Variants in TUBGCP3 observed in about 807,000 individuals in gnomAD.
TUBGCP3 encodes tubulin gamma complex component 3, also known as gamma-tubulin complex component 3.
A neutral mutation model predicts 123.1 loss-of-function variants in TUBGCP3; 50 were observed. The observed-to-expected ratio is 0.41, with a 90% confidence interval of 0.32 to 0.51. The LOEUF is 0.51. Among genes scored for constraint, TUBGCP3 ranks in the 20% least tolerant of loss-of-function variants. The probability of loss-of-function intolerance (pLI) is 0.36; values close to 1 mark genes in which losing one functional copy is unlikely to be tolerated. For missense variants in TUBGCP3, 882 were observed against 1,127.0 expected, an observed-to-expected ratio of 0.78 and a Z score of 3.11; for synonymous variants, 405 against 413.9, an observed-to-expected ratio of 0.98 and a Z score of 0.26.
the TUBGCP3 span, among the ~76,000 whole-genome samples, chr13:112,601,925 G>A: frequency 6.6e-6 from 1 of 152,240 alleles, no homozygotes; most frequent in African/African-American, 2.4e-5. Context: ...GCCCCGGGAT[G>A]TCACTGCTGT....
At chr13:112,489,433 C>A in intron 21 of TUBGCP3, 148 bp downstream of exon 21, 1 of 681,302 alleles carries the variant, frequency 1.5e-6, no homozygotes, top group Non-Finnish European at 2.6e-6. Context: ...CAGAGGGTCA[C>A]AGGGTCCACC....
rs1484972215 is a variant in TUBGCP3 at position 112,545,481 on chromosome 13, G to A, written c.1335+218C>T. 2.0e-6 allele frequency: 1 copy of A among 507,184 alleles called. No individual in the cohort carries two copies. The highest frequency in any genetic ancestry group is 3.5e-6 in the Non-Finnish European group (1 of 288,200). The allele number at this position is 507,184 out of a possible 1,614,324, so 31.4% of individuals were successfully genotyped here. On this transcript the variant is annotated intron_variant, in intron 11 of 21. Transcript: ENST00000261965. This position sits in a 1 kb window ranked among gnomAD's most constrained non-coding sequence, Gnocchi z 4.1. Reference sequence around the variant, plus strand: ...TCCACCTTGCTGAGGAATAAACTGGGACAATTCTCCACTAACCAAAGAACT... The same window carrying A: ...TCCACCTTGCTGAGGAATAAACTGGAACAATTCTCCACTAACCAAAGAACT...
intron 17 of TUBGCP3, among the ~76,000 whole-genome samples, chr13:112,514,692 C>CA (rs1404479556): frequency 6.6e-6 from 1 of 152,094 alleles, no homozygotes; most frequent in African/African-American, 2.4e-5. Context: ...ACACTTTTCC[C>CA]AAAAAGTGAT....
the TUBGCP3 span, among the ~76,000 whole-genome samples, chr13:112,598,856 G>C: frequency 6.6e-6 from 1 of 150,562 alleles, no homozygotes; most frequent in African/African-American, 2.4e-5. Flanking sequence ...TGAGGCAGGA[G>C]AATCGCTTGA....
the TUBGCP3 span, among the ~76,000 whole-genome samples, chr13:112,599,199 A>G: frequency 6.6e-6 from 1 of 152,302 alleles, no homozygotes; most frequent in South Asian, 2.1e-4. Context: ...AATAACTTTG[A>G]TCACCTGACT....
chr13:112,526,888 C>A, intron 13 of TUBGCP3, 54 bp downstream of exon 13: 1 of 1,288,018 alleles, frequency 7.8e-7, no homozygotes, highest in South Asian at 1.2e-5. Flanking sequence ...ATCCTCACAT[C>A]ATCATCAACA....
intron 20 of TUBGCP3, 103 bp from the exon 21 acceptor site, chr13:112,489,800 T>C (rs1879951635): frequency 2.3e-6 from 2 of 886,954 alleles, no homozygotes; most frequent in African/African-American, 3.3e-5. Context: ...TGTCTGCTTT[T>C]TATGCCTCTC....
At position 112,489,957 on chromosome 13, in the gene TUBGCP3, T is replaced by C. The variant is rs1455891846; in HGVS notation, c.2449-260A>G. ...GTTTTTAATATCACATTGTATAACA[T>C]GTAACAAGGTATATAATTCATCTCA... On this transcript the variant is annotated intron_variant, in intron 20 of 21. Coordinates refer to ENST00000261965, the MANE Select transcript of TUBGCP3 (RefSeq NM_006322.6). The C allele has an allele frequency of 2.4e-5, 12 of 503,990 alleles. No individual in the cohort carries two copies. The East Asian group carries it at 3.3e-4, about 14-fold the overall frequency. 31.2% of individuals were successfully genotyped at this position (503,990 alleles called of 1,614,324 possible).
At position 112,575,677 on chromosome 13, in the gene TUBGCP3, G is replaced by A. The variant is rs554472242; in HGVS notation, c.77-6418C>T. ...TTTTCAAATGCACGTGGAACATTCA[G>A]GACAGACTGAATTGTGGGTCACAAA... On this transcript the variant is annotated intron_variant, in intron 1 of 21. Coordinates refer to ENST00000261965, the MANE Select transcript of TUBGCP3 (RefSeq NM_006322.6). 1.6e-4 allele frequency among the ~76,000 whole-genome samples: 24 copies of A among 152,354 alleles called. No individual in the cohort carries two copies. In the South Asian group the frequency reaches 5.0e-3, roughly 32 times the overall value.
Position 112,526,867 on chromosome 13 carries a change from T to C in TUBGCP3, c.1555+75A>G. 3.7e-6 allele frequency: 4 copies of C among 1,072,012 alleles called. No homozygotes were observed. In the South Asian group the frequency reaches 5.2e-5, roughly 14 times the overall value. 66.4% of individuals were successfully genotyped at this position (1,072,012 alleles called of 1,614,324 possible). A position where few individuals can be genotyped will look rare whatever the true frequency, so the allele number is the denominator to read the frequency against. On this transcript the variant is annotated intron_variant, in intron 13 of 21. Coordinates refer to ENST00000261965, the MANE Select transcript of TUBGCP3 (RefSeq NM_006322.6). ...TACGTCATCAACATCACTGTTACCA[T>C]GAGTATCACCATCCTCACATCATCA...
At chr13:112,561,028 G>A (rs377283452) in intron 3 of TUBGCP3, among the ~76,000 whole-genome samples, 88 of 152,342 alleles carry the variant, frequency 5.8e-4, no homozygotes, top group African/African-American at 1.5e-3. Flanking sequence ...AGCTGACATC[G>A]GAATGAGGCC....
rs1176510661 is a variant in TUBGCP3, at chr13:112,545,814, C to G, written c.1220G>C (p.Gly407Ala). The change falls in exon 11 of 22, where the codon GGA (glycine) becomes GCA (alanine). Residue 407 changes from glycine (G) to alanine (A), a missense_variant. Coordinates refer to ENST00000261965, the MANE Select transcript of TUBGCP3 (RefSeq NM_006322.6). The surrounding 1 kb of genome is among the most constrained non-coding windows in gnomAD (Gnocchi z 4.1). ...ASAVHAYTKT[G>A]DPYMRSLVQH... ...CACCAGAGACCGCATGTACGGGTCT[C>G]CTGTTTTTGTGTAGGCGTGGACAGC... 20 of 1,614,060 alleles carry G rather than the reference C, an allele frequency of 1.2e-5. No homozygotes were observed. The highest frequency in any genetic ancestry group is 1.6e-5 in the Non-Finnish European group (19 of 1,180,026).
At chr13:112,487,306 C>T (rs915818516) in intron 21 of TUBGCP3, among the ~76,000 whole-genome samples, 2 of 152,042 alleles carry the variant, frequency 1.3e-5, no homozygotes, top group Non-Finnish European at 2.9e-5. Flanking sequence ...AACAGCCTGC[C>T]GTCGCTGGCA....
intron 17 of TUBGCP3, among the ~76,000 whole-genome samples, chr13:112,507,279 G>A (rs1881370304): frequency 6.6e-6 from 1 of 152,190 alleles, no homozygotes; most frequent in South Asian, 2.1e-4. Flanking sequence ...TACATGCTCA[G>A]TGTGATCCTA....
chr13:112,541,896 CAG>C (rs1380634552), intron 11 of TUBGCP3, among the ~76,000 whole-genome samples: 1 of 152,142 alleles, frequency 6.6e-6, no homozygotes, highest in Non-Finnish European at 1.5e-5. Flanking sequence ...GAAGAGGATA[CAG>C]ATTCTTTAAT....
intron 5 of TUBGCP3, among the ~76,000 whole-genome samples, 154 bp downstream of exon 5, chr13:112,558,042 G>A (rs572326171): frequency 1.3e-5 from 2 of 152,374 alleles, no homozygotes; most frequent in Admixed American, 1.3e-4. Context: ...GTAACGTTCA[G>A]AGATGGAGTG....
At chr13:112,601,185 TAAAAAAAAAAA>T in the TUBGCP3 span, among the ~76,000 whole-genome samples, 4 of 86,494 alleles carry the variant, frequency 4.6e-5, no homozygotes, top group African/African-American at 1.9e-4. Context: ...AGATTCTGTC[TAAAAAAAAAAA>T]AAAAAAAAAA....
chr13:112,512,690 G>A (rs1395462626), intron 17 of TUBGCP3, among the ~76,000 whole-genome samples: 2 of 151,186 alleles, frequency 1.3e-5, no homozygotes, highest in Non-Finnish European at 3.0e-5. Context: ...AGCCAAAATC[G>A]CACCATTGCA....
the TUBGCP3 span, among the ~76,000 whole-genome samples, chr13:112,602,285 T>C: frequency 6.6e-6 from 1 of 152,148 alleles, no homozygotes; most frequent in Non-Finnish European, 1.5e-5. Context: ...TGATAAGACA[T>C]TTGAAAGAAA....
Sources: gnomAD v4.1 joint callset for allele counts (sites outside exome capture counted in the v4.1 genomes callset) on GRCh38, gnomAD v4.1.1 for gene constraint, Gnocchi (gnomAD v3.1) non-coding constraint, MANE v1.5 for transcripts, NCBI Gene and HGNC (gene_info 2026-07-23, HGNC 2026-07-21) for gene names.